The following OTOA variants were observed in gnomAD, a reference collection of about 807,000 sequenced individuals.
OTOA encodes the protein cancer/testis antigen 108.
OTOA carries 70 observed loss-of-function variants against 110.8 expected under a neutral mutation model. That is an observed-to-expected ratio of 0.63 (90% CI 0.52 to 0.77). The LOEUF (loss-of-function observed/expected upper bound fraction) is 0.77, where lower values mean the gene tolerates loss of function less well. Ranked by LOEUF, OTOA falls within the 30% of genes least tolerant of loss-of-function variation. The pLI, the probability that OTOA is intolerant of heterozygous loss-of-function variation, is 0.00. For synonymous variants in OTOA, 373 were observed against 431.5 expected (o/e 0.86, Z 1.68); for missense variants, 917 against 1,075.8 (o/e 0.85, Z 2.06).
At chr16:21,681,248 C>T (rs1012807831) in intron 5 of OTOA, among the ~76,000 whole-genome samples, 11 of 152,178 alleles carry the variant, frequency 7.2e-5, no homozygotes, top group Non-Finnish European at 1.5e-5. Context: ...GGGATCCAGG[C>T]AGATTCCTAG....
At chr16:21,677,863 A>T (rs1021275907) in intron 1 of OTOA, among the ~76,000 whole-genome samples, 1 of 150,584 alleles carries the variant, frequency 6.6e-6, no homozygotes, top group African/African-American at 2.4e-5. Flanking sequence ...TGTATTCTGG[A>T]TATAAATTTC....
chr16:21,705,883 G>C (rs376152077), intron 12 of OTOA, among the ~76,000 whole-genome samples: 10 of 152,032 alleles, frequency 6.6e-5, no homozygotes, highest in Admixed American at 2.0e-4. Context: ...AGGTTGTGGC[G>C]AGCTGAGATC....
chr16:21,752,096 T>A lies in OTOA; in HGVS notation c.2918+19T>A. 1 of 262,914 alleles carries A rather than the reference T, an allele frequency of 3.8e-6. No individual in the cohort carries two copies. The highest frequency in any genetic ancestry group is 2.6e-5 in the South Asian group (1 of 38,446). The allele number at this position is 262,914 out of a possible 1,614,324, so 16.3% of individuals were successfully genotyped here. ...AATTCAGGTAACTAAAATATGAATG[T>A]GCAAAATGGCAAATGGGTTAATTCA... On this transcript the variant is annotated intron_variant, in intron 25 of 28. Coordinates refer to ENST00000646100, the MANE Select transcript of OTOA (RefSeq NM_144672.4).
At chr16:21,727,055 C>A (rs1297324267) in intron 19 of OTOA, 1 of 233,688 alleles carries the variant, frequency 4.3e-6, no homozygotes, top group East Asian at 1.2e-4. Flanking sequence ...CTCACTCTGT[C>A]ACCCAGGCTG....
At chr16:21,714,336 T>TTCCTTCCTTCCTTCCTTCCTTC (rs1567384267) in intron 13 of OTOA, among the ~76,000 whole-genome samples, 3 of 61,306 alleles carry the variant, frequency 4.9e-5, no homozygotes, top group East Asian at 3.9e-4. Flanking sequence ...TTCCTTCCTT[T>TTCCTTCCTTCCTTCCTTCCTTC]CTTTCTTTCT....
chr16:21,705,781 T>C (rs969374424), intron 12 of OTOA, among the ~76,000 whole-genome samples: 14 of 152,124 alleles, frequency 9.2e-5, no homozygotes, highest in African/African-American at 3.4e-4. Flanking sequence ...CTGTCTCTAC[T>C]AAAAATACAA....
intron 6 of OTOA, among the ~76,000 whole-genome samples, chr16:21,683,366 G>A (rs1172183220): frequency 6.6e-6 from 1 of 152,082 alleles, no homozygotes; most frequent in African/African-American, 2.4e-5. Flanking sequence ...GAAAACTGAG[G>A]CCCAGAAGAA....
intron 12 of OTOA, among the ~76,000 whole-genome samples, chr16:21,708,773 C>T (rs1245991651): frequency 6.6e-6 from 1 of 152,104 alleles, no homozygotes; most frequent in East Asian, 1.9e-4. Context: ...TACGTTATTA[C>T]GTAAATTCGG....
intron 17 of OTOA, chr16:21,721,307 T>C (rs1480931641): frequency 4.4e-6 from 2 of 453,556 alleles, no homozygotes; most frequent in Non-Finnish European, 8.8e-6. Context: ...AAGTAAAATT[T>C]CCCCAAATTT....
chr16:21,679,031 T>C lies in OTOA; in HGVS notation c.121-5T>C. ...TATACTTGATGTTATCTCTTTGCCT[T>C]TTAGGAAGAAATAATAGATGGAAGC... On this transcript the variant is annotated splice_region_variant and splice_polypyrimidine_tract_variant and intron_variant, in intron 3 of 28. Coordinates refer to ENST00000646100, the MANE Select transcript of OTOA (RefSeq NM_144672.4). 1 of 1,614,016 alleles carries C rather than the reference T, an allele frequency of 6.2e-7. No homozygotes were observed.
At chr16:21,682,647 T>C (rs1362400050) in intron 6 of OTOA, among the ~76,000 whole-genome samples, 2 of 152,234 alleles carry the variant, frequency 1.3e-5, no homozygotes, top group Non-Finnish European at 2.9e-5. Flanking sequence ...GTGTGGCATG[T>C]TGTGTCTTTA....
intron 13 of OTOA, among the ~76,000 whole-genome samples, chr16:21,711,492 G>A (rs903107753): frequency 8.6e-5 from 13 of 151,646 alleles, no homozygotes; most frequent in African/African-American, 2.9e-4. Flanking sequence ...TTTTTGATAC[G>A]GAGTCTTGCC....
chr16:21,691,750 T>A, intron 9 of OTOA, 63 bp downstream of exon 9: 1 of 1,388,790 alleles, frequency 7.2e-7, no homozygotes, highest in Non-Finnish European at 1.0e-6. Flanking sequence ...AAGAGGTGTT[T>A]CATCTCTGAA....
Position 21,711,665 on chromosome 16 carries a change from C to T in OTOA, c.1320+1562C>T, listed in dbSNP as rs556857471. Among the ~76,000 whole-genome samples the T allele has an allele frequency of 2.6e-5, 4 of 152,246 alleles. No homozygotes were observed. The South Asian group carries it at 6.2e-4, about 24-fold the overall frequency. ...TGTGTTTTTAGTAGAGACGAGGTTT[C>T]GCCATGTTGGCCAGGCTGGTCTCGA... On this transcript the variant is annotated intron_variant, in intron 13 of 28. Coordinates refer to ENST00000646100, the MANE Select transcript of OTOA (RefSeq NM_144672.4).
chr16:21,695,230 C>A (rs1022774729), intron 9 of OTOA, among the ~76,000 whole-genome samples: 2 of 146,830 alleles, frequency 1.4e-5, no homozygotes, highest in Non-Finnish European at 3.0e-5. Context: ...TGAGACCCCC[C>A]CCCCCCATAC....
intron 20 of OTOA, chr16:21,730,189 A>C (rs1351464286): frequency 6.5e-6 from 1 of 153,848 alleles, no homozygotes. Flanking sequence ...CACTGTAGGC[A>C]TTTATGATCT....
chr16:21,686,435 C>A (rs370457357), intron 7 of OTOA, among the ~76,000 whole-genome samples: 1 of 151,916 alleles, frequency 6.6e-6, no homozygotes, highest in South Asian at 2.1e-4. Context: ...ACTACAGGTG[C>A]GCATTAGCAC....
intron 17 of OTOA, among the ~76,000 whole-genome samples, chr16:21,721,062 G>A (rs936106938): frequency 6.6e-5 from 10 of 151,438 alleles, no homozygotes; most frequent in Admixed American, 2.6e-4. Context: ...TTCTAGGTGC[G>A]CACCACCACA....
chr16:21,728,519 G>GTC (rs898270185), intron 20 of OTOA, 88 bp downstream of exon 20: 2 of 1,451,018 alleles, frequency 1.4e-6, no homozygotes, highest in African/African-American at 2.8e-5. Context: ...TGCAAACAGA[G>GTC]TCTCTGGCTT....
Sources: allele counts gnomAD v4.1 joint callset (sites outside exome capture counted in the v4.1 genomes callset), GRCh38; gene constraint gnomAD v4.1.1; transcripts MANE v1.5; gene names NCBI Gene and HGNC (gene_info 2026-07-23, HGNC 2026-07-21).